PRKD1: variants seen among roughly 807,000 people sequenced by gnomAD.
The protein encoded by PRKD1 is serine/threonine-protein kinase D1.
A neutral mutation model predicts 95.9 loss-of-function variants in PRKD1; 63 were observed. The observed-to-expected ratio is 0.66, with a 90% CI of 0.54 to 0.81. The LOEUF is 0.81. Ranked by LOEUF, PRKD1 falls within the 30% of genes least tolerant of loss-of-function variation. The pLI is 0.00. For missense variants in PRKD1, 1,048 were observed against 1,165.3 expected, an observed-to-expected ratio of 0.90 and a Z score of 1.47; for synonymous variants, 425 against 423.1, an observed-to-expected ratio of 1.00 and a Z score of -0.05.
At chr14:29,785,856 A>AATAC (rs1225304951) in intron 1 of PRKD1, among the ~76,000 whole-genome samples, 1 of 149,284 alleles carries the variant, frequency 6.7e-6, no homozygotes, top group East Asian at 2.0e-4. Flanking sequence ...TAAATAAATA[A>AATAC]ATAAAAGTTT....
intron 1 of PRKD1, among the ~76,000 whole-genome samples, chr14:29,792,990 T>G (rs1421231975): frequency 6.6e-6 from 1 of 151,852 alleles, no homozygotes; most frequent in South Asian, 2.1e-4. Flanking sequence ...AATGGCAAAA[T>G]AGAGATAGCT....
intron 10 of PRKD1, among the ~76,000 whole-genome samples, chr14:29,629,594 T>TA (rs1482857230): frequency 6.6e-6 from 1 of 152,174 alleles, no homozygotes; most frequent in Non-Finnish European, 1.5e-5. Context: ...CACTATAATG[T>TA]AAAAAAACCA....
intron 1 of PRKD1, among the ~76,000 whole-genome samples, chr14:29,766,255 C>T (rs1360471634): frequency 6.6e-6 from 1 of 152,086 alleles, no homozygotes; most frequent in Non-Finnish European, 1.5e-5. Context: ...TTTCAAGAAA[C>T]CCTCTCCTTT....
At chr14:29,887,017 C>G (rs1414076049) in intron 1 of PRKD1, among the ~76,000 whole-genome samples, 1 of 152,180 alleles carries the variant, frequency 6.6e-6, no homozygotes, top group Non-Finnish European at 1.5e-5. Context: ...AATGGCACAT[C>G]TGGTAGCTGC....
chr14:29,843,906 G>A (rs1891973064), intron 1 of PRKD1, among the ~76,000 whole-genome samples: 1 of 152,146 alleles, frequency 6.6e-6, no homozygotes, highest in Non-Finnish European at 1.5e-5. Context: ...GATGACATTC[G>A]AGCAGACTTG....
At chr14:29,885,102 A>G (rs1893652130) in intron 1 of PRKD1, among the ~76,000 whole-genome samples, 1 of 149,742 alleles carries the variant, frequency 6.7e-6, no homozygotes, top group Non-Finnish European at 1.5e-5. Flanking sequence ...CCCCCTGGGC[A>G]ACAGAGCGAG....
chr14:29,635,627 G>T (rs1402065421), intron 7 of PRKD1, among the ~76,000 whole-genome samples: 1 of 152,122 alleles, frequency 6.6e-6, no homozygotes, highest in Admixed American at 6.6e-5. Flanking sequence ...TAAAGGGCCA[G>T]GTAATAAATA....
intron 1 of PRKD1, among the ~76,000 whole-genome samples, chr14:29,921,021 A>C (rs1895083378): frequency 6.6e-6 from 1 of 152,172 alleles, no homozygotes; most frequent in African/African-American, 2.4e-5. Context: ...GGTCTTGAGA[A>C]CCAGAATTTT....
intron 13 of PRKD1, among the ~76,000 whole-genome samples, chr14:29,614,414 A>T: frequency 6.6e-6 from 1 of 152,162 alleles, no homozygotes; most frequent in Non-Finnish European, 1.5e-5. Flanking sequence ...CTACATTTTA[A>T]AAAAAGGAAT....
chr14:29,889,042 G>A (rs1893842294), intron 1 of PRKD1, among the ~76,000 whole-genome samples: 1 of 152,130 alleles, frequency 6.6e-6, no homozygotes, highest in Admixed American at 6.6e-5. Context: ...TTTCATGTTT[G>A]GGTTCTGTTC....
chr14:29,803,965 G>A (rs537932023), intron 1 of PRKD1, among the ~76,000 whole-genome samples: 1 of 152,214 alleles, frequency 6.6e-6, no homozygotes, highest in Admixed American at 6.5e-5. Context: ...TATGCGGCCG[G>A]GTGCAGTGGC....
chr14:29,780,895 C>A (rs1451938291), intron 1 of PRKD1, among the ~76,000 whole-genome samples: 1 of 151,716 alleles, frequency 6.6e-6, no homozygotes, highest in African/African-American at 2.4e-5. Context: ...AACCCAAATG[C>A]TCATCAGTGA....
rs1210802367 is a variant in PRKD1, at chr14:29,577,201, G to A, written c.*37C>T. On this transcript the variant is annotated 3_prime_UTR_variant, in exon 18 of 18. Transcript: ENST00000331968. ...TAAACCTGACCGTATGTATTTATTA[G>A]TTCCACAGTGTTTTGACAGATTATA... 1 of 1,571,696 alleles carries A rather than the reference G, an allele frequency of 6.4e-7. No individual in the cohort carries two copies. The highest frequency in any genetic ancestry group is 8.7e-7 in the Non-Finnish European group (1 of 1,143,408).
rs184197156 is a variant in PRKD1, at chr14:29,761,703, C to T, written c.265-36029G>A. Among the ~76,000 whole-genome samples, 51 of 151,976 alleles carry T rather than the reference C, an allele frequency of 3.4e-4. 1 individual carries two copies. Among genetic ancestry groups the T allele is most frequent in the Middle Eastern group, 6.8e-3 (2 of 292 alleles). On this transcript the variant is annotated intron_variant, in intron 1 of 17. Transcript: ENST00000331968. ...ATACAATTTTTAGAAAAGCATCCTC[C>T]CTGCATAAAGCAGAAAAAGTTCTTC...
intron 4 of PRKD1, among the ~76,000 whole-genome samples, chr14:29,642,544 T>A (rs537394892): frequency 6.6e-6 from 1 of 152,194 alleles, no homozygotes; most frequent in South Asian, 2.1e-4. Context: ...ACAGAAATAA[T>A]TGGAACTGTT....
chr14:29,837,120 T>G (rs1166296018), intron 1 of PRKD1, among the ~76,000 whole-genome samples: 1 of 152,152 alleles, frequency 6.6e-6, no homozygotes, highest in African/African-American at 2.4e-5. Flanking sequence ...GTCATGCACC[T>G]CCACACCATA....
At chr14:29,676,115 T>C (rs898251753) in intron 2 of PRKD1, among the ~76,000 whole-genome samples, 4 of 150,126 alleles carry the variant, frequency 2.7e-5, no homozygotes, top group Non-Finnish European at 4.4e-5. Flanking sequence ...ATTTAAAGTA[T>C]AATAAAAAAT....
chr14:29,775,646 C>T (rs964475962), intron 1 of PRKD1, among the ~76,000 whole-genome samples: 16 of 152,126 alleles, frequency 1.1e-4, no homozygotes, highest in African/African-American at 2.7e-4. Context: ...AAAGCAGCTG[C>T]GAAGCTCAAA....
At chr14:29,920,918 A>C (rs1274634521) in intron 1 of PRKD1, among the ~76,000 whole-genome samples, 1 of 152,256 alleles carries the variant, frequency 6.6e-6, no homozygotes, top group Admixed American at 6.5e-5. Context: ...TCTAGATGTT[A>C]GCATGACAGC....
Sources: gnomAD v4.1 joint callset for allele counts (sites outside exome capture counted in the v4.1 genomes callset) on GRCh38, gnomAD v4.1.1 for gene constraint, MANE v1.5 for transcripts, NCBI Gene and HGNC (gene_info 2026-07-23, HGNC 2026-07-21) for gene names.